Variants in EBF1 observed in about 807,000 individuals in gnomAD.
EBF1 encodes transcription factor COE1.
Under a neutral mutation model 68.4 loss-of-function variants are expected in EBF1, and 10 were observed. That is an observed-to-expected ratio of 0.15 (90% confidence interval 0.09 to 0.25). The LOEUF (loss-of-function observed/expected upper bound fraction) is 0.25. Ranked by LOEUF, EBF1 falls within the 10% of genes least tolerant of loss-of-function variation. EBF1 has a pLI of 1.00. For missense variants in EBF1, 509 were observed against 794.4 expected, an observed-to-expected ratio of 0.64 and a Z score of 4.32; for synonymous variants, 298 against 299.8, an observed-to-expected ratio of 0.99 and a Z score of 0.06.
intron 6 of EBF1, among the ~76,000 whole-genome samples, chr5:159,066,013 G>T (rs2127905473): frequency 6.6e-6 from 1 of 152,072 alleles, no homozygotes; most frequent in African/African-American, 2.4e-5. Flanking sequence ...AAAAAGAGAA[G>T]AAAAAGGAAA....
chr5:158,775,103 T>C (rs1377667024), intron 10 of EBF1, among the ~76,000 whole-genome samples: 4 of 152,100 alleles, frequency 2.6e-5, no homozygotes, highest in South Asian at 2.1e-4. Flanking sequence ...CGCCAACTTA[T>C]TGCTCTTACC....
At chr5:158,894,127 A>C (rs1006416472) in intron 6 of EBF1, among the ~76,000 whole-genome samples, 27 of 152,238 alleles carry the variant, frequency 1.8e-4, no homozygotes, top group African/African-American at 6.5e-4. Context: ...AAAATAAAAA[A>C]TTAACATATC....
intron 6 of EBF1, among the ~76,000 whole-genome samples, chr5:158,960,150 G>A (rs1817886349): frequency 6.6e-6 from 1 of 152,146 alleles, no homozygotes; most frequent in Non-Finnish European, 1.5e-5. Flanking sequence ...AATCAGCATG[G>A]AAGCATTTTA....
intron 6 of EBF1, among the ~76,000 whole-genome samples, chr5:159,057,829 G>T (rs1409947233): frequency 1.3e-5 from 2 of 152,142 alleles, no homozygotes; most frequent in African/African-American, 4.8e-5. Context: ...ATCTAGCTAG[G>T]CTATGTATTA....
At chr5:158,947,565 T>C (rs751245141) in intron 6 of EBF1, among the ~76,000 whole-genome samples, 4 of 152,184 alleles carry the variant, frequency 2.6e-5, no homozygotes, top group Non-Finnish European at 4.4e-5. Flanking sequence ...GGAATCTCAG[T>C]TGGAAATGCA....
chr5:159,064,733 A>G (rs532788316), intron 6 of EBF1, among the ~76,000 whole-genome samples: 1 of 152,260 alleles, frequency 6.6e-6, no homozygotes, highest in East Asian at 1.9e-4. Flanking sequence ...CATATCCCAT[A>G]TATCTAACAT....
intron 6 of EBF1, among the ~76,000 whole-genome samples, chr5:158,957,703 A>G (rs1251084980): frequency 6.6e-6 from 1 of 152,096 alleles, no homozygotes; most frequent in Non-Finnish European, 1.5e-5. Context: ...GAAAATCTCC[A>G]TTTCCCTTTG....
intron 9 of EBF1, among the ~76,000 whole-genome samples, chr5:158,795,819 A>G (rs1359947593): frequency 6.6e-6 from 1 of 152,186 alleles, no homozygotes; most frequent in African/African-American, 2.4e-5. Flanking sequence ...GTAAATTCCT[A>G]GAGCTAGAAA....
chr5:158,853,616 G>A (rs756321270), intron 6 of EBF1, among the ~76,000 whole-genome samples: 3 of 152,128 alleles, frequency 2.0e-5, no homozygotes, highest in East Asian at 1.9e-4. Context: ...AGAAAGATAA[G>A]GAGAAGTGGA....
chr5:158,826,656 T>C (rs766717117), intron 7 of EBF1, among the ~76,000 whole-genome samples: 7 of 152,192 alleles, frequency 4.6e-5, no homozygotes, highest in African/African-American at 7.2e-5. Context: ...CTTCTTAATG[T>C]GGCAATCTAG....
chr5:159,006,759 C>T (rs1156594730), intron 6 of EBF1, among the ~76,000 whole-genome samples: 2 of 147,804 alleles, frequency 1.4e-5, no homozygotes, highest in African/African-American at 2.5e-5. Context: ...TTATACCCAA[C>T]TATACCCAAA....
At chr5:158,892,795 AAAAG>A (rs1468390595) in intron 6 of EBF1, among the ~76,000 whole-genome samples, 5 of 152,212 alleles carry the variant, frequency 3.3e-5, no homozygotes, top group African/African-American at 1.2e-4. Context: ...ATTTTACAAA[AAAAG>A]AAAGAAGTGG....
At chr5:158,917,266 A>C (rs539271565) in intron 6 of EBF1, among the ~76,000 whole-genome samples, 1 of 152,320 alleles carries the variant, frequency 6.6e-6, no homozygotes, top group Admixed American at 6.5e-5. Flanking sequence ...AACCATTTAG[A>C]TCCTTCGTAC....
intron 10 of EBF1, among the ~76,000 whole-genome samples, chr5:158,745,879 C>T (rs1292211230): frequency 6.6e-6 from 1 of 152,174 alleles, no homozygotes; most frequent in African/African-American, 2.4e-5. Context: ...CCTTCAGGCT[C>T]TGATTCTTTC....
chr5:159,087,052 C>T (rs1780761500), intron 4 of EBF1, among the ~76,000 whole-genome samples: 1 of 151,924 alleles, frequency 6.6e-6, no homozygotes, highest in African/African-American at 2.4e-5. Context: ...TGCTAAAAAA[C>T]TCTAATGAAG....
chr5:158,829,480 C>A (rs1582306366), intron 7 of EBF1, among the ~76,000 whole-genome samples: 1 of 151,754 alleles, frequency 6.6e-6, no homozygotes, highest in African/African-American at 2.4e-5. Flanking sequence ...CCACCACACC[C>A]GGCCCACAAA....
chr5:158,779,474 T>C (rs551787685), intron 9 of EBF1, among the ~76,000 whole-genome samples: 1 of 152,316 alleles, frequency 6.6e-6, no homozygotes, highest in African/African-American at 2.4e-5. Flanking sequence ...TCTGTACCTA[T>C]GCTCTCTCCA....
At position 158,726,143 on chromosome 5, in the gene EBF1, A is replaced by C. The variant is rs546263336; in HGVS notation, c.1125+4926T>G. On this transcript the variant is annotated intron_variant, in intron 11 of 15. Coordinates refer to ENST00000313708, the MANE Select transcript of EBF1 (RefSeq NM_024007.5). The stretch of plus-strand genomic sequence containing the variant: ...AAGCTTTAAAGTAAAAATGTAATAA[A>C]TACTTTTTTTATGTTTCATAAAGGA... Among the ~76,000 whole-genome samples, 3 of 152,334 alleles carry C rather than the reference A, an allele frequency of 2.0e-5. No homozygotes were observed. The East Asian group carries it at 5.8e-4, about 29-fold the overall frequency.
chr5:159,065,870 T>G (rs933589867), intron 6 of EBF1, among the ~76,000 whole-genome samples: 7 of 152,164 alleles, frequency 4.6e-5, no homozygotes, highest in Non-Finnish European at 7.3e-5. Flanking sequence ...GCATTTACTT[T>G]TAATCTATGG....
Sources: allele counts gnomAD v4.1 joint callset (sites outside exome capture counted in the v4.1 genomes callset), GRCh38; gene constraint gnomAD v4.1.1; transcripts MANE v1.5; gene names NCBI Gene and HGNC (gene_info 2026-07-23, HGNC 2026-07-21).